Variants in PCDH15 observed in about 807,000 individuals in gnomAD.
The protein encoded by PCDH15 is protocadherin related 15.
Under a neutral mutation model 178.5 loss-of-function variants are expected in PCDH15, and 129 were observed. That is an observed-to-expected ratio of 0.72 (90% CI 0.63 to 0.84). The LOEUF is 0.84. Ranked by LOEUF, PCDH15 falls within the 40% of genes least tolerant of loss-of-function variation. The pLI, the probability that PCDH15 is intolerant of heterozygous loss-of-function variation, is 0.00. For synonymous variants in PCDH15, 800 were observed against 732.0 expected (o/e 1.09, Z -1.50); for missense variants, 2,230 against 2,099.9 (o/e 1.06, Z -1.21).
At chr10:54,459,463 A>C (rs1565331024) in intron 3 of PCDH15, among the ~76,000 whole-genome samples, 1 of 152,012 alleles carries the variant, frequency 6.6e-6, no homozygotes, top group Non-Finnish European at 1.5e-5. Flanking sequence ...TTTTGCATGA[A>C]GTCGTAGTTG....
At chr10:55,520,136 G>T (rs1353223696) in intron 2 of PCDH15, among the ~76,000 whole-genome samples, 2 of 112,430 alleles carry the variant, frequency 1.8e-5, no homozygotes, top group South Asian at 5.9e-4. Context: ...TACACGCAAT[G>T]TGTATATATA....
chr10:55,327,737 A>G (rs528028946), intron 2 of PCDH15, among the ~76,000 whole-genome samples: 6 of 152,200 alleles, frequency 3.9e-5, no homozygotes, highest in African/African-American at 1.4e-4. Context: ...TGAATTTAAC[A>G]TATGCATGTT....
chr10:54,502,946 T>G (rs1242507812), intron 3 of PCDH15, among the ~76,000 whole-genome samples: 1 of 152,062 alleles, frequency 6.6e-6, no homozygotes. Context: ...ATATGCATTT[T>G]TTATTACTAA....
At chr10:54,001,815 G>C (rs1227694965) in intron 20 of PCDH15, among the ~76,000 whole-genome samples, 3 of 151,914 alleles carry the variant, frequency 2.0e-5, no homozygotes, top group Admixed American at 2.0e-4. Flanking sequence ...AAAATGATCT[G>C]TTGCCTACAA....
chr10:54,082,822 A>G (rs1279982394), intron 16 of PCDH15, among the ~76,000 whole-genome samples: 6 of 152,090 alleles, frequency 3.9e-5, no homozygotes, highest in Non-Finnish European at 8.8e-5. Context: ...AAAACAACGC[A>G]TATAACTGGA....
chr10:54,833,915 T>C (rs979544975), intron 3 of PCDH15, among the ~76,000 whole-genome samples: 2 of 152,024 alleles, frequency 1.3e-5, no homozygotes, highest in Admixed American at 6.6e-5. Context: ...TTAGGGGGAA[T>C]TGACCAATTA....
chr10:55,599,940 G>C, intron 2 of PCDH15: 1 of 1,520,126 alleles, frequency 6.6e-7, no homozygotes, highest in Non-Finnish European at 8.8e-7. Flanking sequence ...CTTTCAACCA[G>C]TGAAATTGAC....
intron 8 of PCDH15, among the ~76,000 whole-genome samples, chr10:54,277,882 A>C (rs2058438520): frequency 8.5e-6 from 1 of 117,224 alleles, no homozygotes; most frequent in Non-Finnish European, 2.1e-5. Context: ...ATCAAGGTTT[A>C]TGGTTTGAAA....
At chr10:55,410,914 A>G (rs964227162) in intron 2 of PCDH15, among the ~76,000 whole-genome samples, 1 of 152,088 alleles carries the variant, frequency 6.6e-6, no homozygotes, top group Non-Finnish European at 1.5e-5. Flanking sequence ...AGGCCCTTCA[A>G]GTAGGCACCC....
intron 4 of PCDH15, among the ~76,000 whole-genome samples, chr10:54,373,143 A>T (rs897226093): frequency 1.3e-5 from 2 of 151,940 alleles, no homozygotes; most frequent in African/African-American, 4.8e-5. Context: ...CAAATCTTCA[A>T]TCCAATATAT....
intron 25 of PCDH15, among the ~76,000 whole-genome samples, chr10:53,935,821 C>A (rs1027206962): frequency 6.6e-6 from 1 of 151,446 alleles, no homozygotes; most frequent in Admixed American, 6.6e-5. Context: ...GCTATGGAGA[C>A]GTTTTTCTTT....
chr10:54,542,859 C>T, intron 2 of PCDH15, among the ~76,000 whole-genome samples: 1 of 152,144 alleles, frequency 6.6e-6, no homozygotes, highest in East Asian at 1.9e-4. Flanking sequence ...TTTCCAAGAC[C>T]ACCCTGGCCT....
intron 15 of PCDH15, among the ~76,000 whole-genome samples, chr10:54,114,183 T>A (rs571083368): frequency 6.6e-6 from 1 of 152,296 alleles, no homozygotes; most frequent in Middle Eastern, 3.4e-3. Context: ...TTCTATAGTG[T>A]ATTTATTATA....
At chr10:55,590,585 G>C (rs1249140123) in intron 2 of PCDH15, among the ~76,000 whole-genome samples, 1 of 152,028 alleles carries the variant, frequency 6.6e-6, no homozygotes, top group Non-Finnish European at 1.5e-5. Flanking sequence ...GTAGTAAAAA[G>C]ACAAAAACAG....
intron 1 of PCDH15, among the ~76,000 whole-genome samples, chr10:55,266,006 G>T (rs112714099): frequency 9.9e-5 from 15 of 152,084 alleles, no homozygotes; most frequent in African/African-American, 3.4e-4. Flanking sequence ...CTAAAGATAC[G>T]GCAAAAACAG....
intron 2 of PCDH15, among the ~76,000 whole-genome samples, chr10:54,969,068 G>A (rs952577287): frequency 7.1e-6 from 1 of 140,014 alleles, no homozygotes; most frequent in African/African-American, 2.8e-5. Flanking sequence ...GTAACTCTGA[G>A]GTCTGTTTCT....
At chr10:55,514,399 C>T (rs1420177455) in intron 2 of PCDH15, among the ~76,000 whole-genome samples, 2 of 151,922 alleles carry the variant, frequency 1.3e-5, no homozygotes, top group African/African-American at 4.8e-5. Flanking sequence ...TTTTGTTCTC[C>T]GAAAGTTTGC....
chr10:53,992,272 A>G (rs927066225), intron 21 of PCDH15, among the ~76,000 whole-genome samples: 6 of 152,200 alleles, frequency 3.9e-5, no homozygotes, highest in Non-Finnish European at 8.8e-5. Context: ...ACGTCTGAAC[A>G]TCAGAAGGAA....
chr10:55,613,627 C>G (rs1473729298), intron 2 of PCDH15, among the ~76,000 whole-genome samples: 1 of 152,090 alleles, frequency 6.6e-6, no homozygotes, highest in Non-Finnish European at 1.5e-5. Flanking sequence ...TTTTTCTGCT[C>G]TTATGAATTT....
Sources: allele counts gnomAD v4.1 joint callset (sites outside exome capture counted in the v4.1 genomes callset), GRCh38; gene constraint gnomAD v4.1.1; transcripts MANE v1.5; gene names NCBI Gene and HGNC (gene_info 2026-07-23, HGNC 2026-07-21).